Variants in POLR1A observed in about 807,000 individuals in gnomAD.
The protein encoded by POLR1A is RNA polymerase I subunit A, also known as DNA-directed RNA polymerase I subunit RPA1.
POLR1A carries 84 observed loss-of-function variants against 205.3 expected under a neutral mutation model. The ratio of observed to expected loss-of-function variants is 0.41; its 90% CI spans 0.34 to 0.49. POLR1A has a LOEUF of 0.49. Among genes scored for constraint, POLR1A ranks in the 20% least tolerant of loss-of-function variants. The pLI is 0.22. For missense variants in POLR1A, 1,645 were observed against 2,204.5 expected, an observed-to-expected ratio of 0.75 and a Z score of 5.08; for synonymous variants, 799 against 863.7, an observed-to-expected ratio of 0.93 and a Z score of 1.31.
Position 86,048,914 on chromosome 2 carries a change from T to G in POLR1A, c.2604A>C (p.Glu868Asp). 1 of 1,614,198 alleles carries G rather than the reference T, an allele frequency of 6.2e-7. No homozygotes were observed. Among genetic ancestry groups the G allele is most frequent in the Non-Finnish European group, 8.5e-7 (1 of 1,179,974 alleles). Residue 868 changes from glutamate to aspartate, a missense_variant, in exon 18 of 34, where the codon GAA (glutamate) becomes GAC (aspartate). Physicochemically the swap from Glu to Asp is conservative, Grantham distance 45 (BLOSUM62 2). Around this residue, in one of 16 missense-constraint regions of POLR1A, gnomAD observed 339 missense variants for 415.1 expected, o/e 0.82. Coordinates refer to ENST00000263857, the MANE Select transcript of POLR1A (RefSeq NM_015425.6). ...TAATCTCATTGCTGTAATGGTTCAC[T>G]TCCTCCTTGAACTTCAGATCAATCA... ...FNMIDLKFKE[E>D]VNHYSNEINK...
At position 86,080,874 on chromosome 2, in the gene POLR1A, G is replaced by A. The variant is rs763524258; in HGVS notation, c.1028C>T (p.Ala343Val). 10 of 1,613,982 alleles carry A rather than the reference G, an allele frequency of 6.2e-6. No homozygotes were observed. In the Admixed American group the frequency reaches 1.0e-4, roughly 16 times the overall value. ...KDVVLIRKLLALMAQEQKLPE... is the reference protein window; with the variant it reads ...KDVVLIRKLLVLMAQEQKLPE... The stretch of plus-strand genomic sequence containing the variant: ...CAACTTCTGTTCTTGGGCCATCAAT[G>A]CCAGAAGTTTTCGAATCAGAACTAC... Residue 343 changes from alanine to valine, a missense_variant, in exon 9 of 34, where the codon GCA (alanine) becomes GTA (valine). Around this residue, in one of 16 missense-constraint regions of POLR1A, gnomAD observed 78 missense variants for 77.7 expected, o/e 1.00. Transcript: ENST00000263857.
At chr2:86,031,003 A>G (rs1317484070) in intron 30 of POLR1A, among the ~76,000 whole-genome samples, 1 of 152,176 alleles carries the variant, frequency 6.6e-6, no homozygotes, top group Non-Finnish European at 1.5e-5. Context: ...AAAGTACCTA[A>G]AGGGCCTGGT....
intron 14 of POLR1A, among the ~76,000 whole-genome samples, chr2:86,055,538 G>A (rs894552982): frequency 6.6e-5 from 10 of 152,190 alleles, no homozygotes; most frequent in Non-Finnish European, 1.3e-4. Context: ...AGAGTGACAC[G>A]TCCTGGGGTG....
At chr2:86,082,366 T>TA (rs199903692) in intron 7 of POLR1A, among the ~76,000 whole-genome samples, 3 of 152,084 alleles carry the variant, frequency 2.0e-5, no homozygotes, top group African/African-American at 7.2e-5. Context: ...ATATGTTGAA[T>TA]AAAAAAATTT....
chr2:86,078,313 T>C (rs1255981199), intron 9 of POLR1A, 29 bp from the exon 10 acceptor site: 40 of 1,546,236 alleles, frequency 2.6e-5, no homozygotes, highest in Non-Finnish European at 3.5e-5. Flanking sequence ...AAAACAGGGA[T>C]GATGGAAAAA....
rs766935510 is a variant in POLR1A at position 86,052,983 on chromosome 2, C to T, written c.2226G>A (p.Gly742=). ...MCESQVIIRE[G]ELLCGVLDKA... ...TGTCCAGCACTCCGCAGAGCAGCTC[C>T]CCTTCCCTGATGATCACCTGCAGAG... is the stretch of plus-strand genomic sequence containing the variant. Residue 742 remains glycine (G), a synonymous_variant, in exon 16 of 34, where the codon GGG becomes GGA. Transcript: ENST00000263857. The T allele has an allele frequency of 5.7e-6, 9 of 1,586,280 alleles. No homozygotes were observed. Among genetic ancestry groups the T allele is most frequent in the East Asian group, 4.7e-5 (2 of 42,720 alleles).
chr2:86,038,989 T>G, intron 26 of POLR1A, 132 bp from the exon 27 acceptor site: 1 of 804,098 alleles, frequency 1.2e-6, no homozygotes. Flanking sequence ...AAAGAAACCC[T>G]GGTGAGCTAT....
chr2:86,020,433 A>C lies in POLR1A; in HGVS notation c.*6990T>G, dbSNP rs1245990696. On this transcript the variant is annotated 3_prime_UTR_variant, in exon 34 of 34. Transcript: ENST00000263857. ...CATGGTGTTGTGTGCCTGTAGTCCC[A>C]GTTACTTGGAAGGCTGCGGTGGGAG... 1 of 150,752 alleles carries C rather than the reference A, an allele frequency of 6.6e-6. No individual in the cohort carries two copies. The highest frequency in any genetic ancestry group is 1.5e-5 in the Non-Finnish European group (1 of 67,902). 9.3% of individuals were successfully genotyped at this position (150,752 alleles called of 1,614,324 possible). A position where few individuals can be genotyped will look rare whatever the true frequency, so the allele number is the denominator to read the frequency against.
intron 14 of POLR1A, among the ~76,000 whole-genome samples, chr2:86,056,113 TTC>T (rs1672892352): frequency 6.6e-6 from 1 of 152,138 alleles, no homozygotes; most frequent in Non-Finnish European, 1.5e-5. Context: ...TAAAAATTAA[TTC>T]TCTTTCTCTA....
rs56918034 is a variant in POLR1A at position 86,073,215 on chromosome 2, A to T, written c.1611+1815T>A. On this transcript the variant is annotated intron_variant, in intron 12 of 33. Transcript: ENST00000263857. ...CCTTGTCTCAAAAAAAAATAAAATA[A>T]AAAAAAAAAAAATGACAGGTTTTGG... 3.0e-4 allele frequency among the ~76,000 whole-genome samples: 42 copies of T among 141,338 alleles called. 2 individuals are homozygous for T. The highest frequency in any genetic ancestry group is 1.2e-3 in the African/African-American group (42 of 36,438). The allele number at this position is 141,338 out of a possible 152,430, so 92.7% of individuals were successfully genotyped here.
chr2:86,047,503 G>A (rs1040037554), intron 18 of POLR1A, among the ~76,000 whole-genome samples: 14 of 152,200 alleles, frequency 9.2e-5, no homozygotes, highest in African/African-American at 1.9e-4. Context: ...CAGGATCCCC[G>A]AGGTTTCATT....
intron 16 of POLR1A, among the ~76,000 whole-genome samples, chr2:86,049,917 T>G (rs772869779): frequency 1.9e-4 from 29 of 152,172 alleles, no homozygotes; most frequent in South Asian, 4.2e-4. Context: ...TAGTGTTTTT[T>G]TTTTTGTTTT....
chr2:86,042,895 G>A, intron 23 of POLR1A, 79 bp downstream of exon 23: 2 of 1,005,352 alleles, frequency 2.0e-6, no homozygotes, highest in East Asian at 2.4e-5. Flanking sequence ...CCTTCTCTTA[G>A]GAAAACAGCC....
intron 4 of POLR1A, 143 bp from the exon 5 acceptor site, chr2:86,089,013 AC>A: frequency 1.7e-6 from 1 of 604,836 alleles, no homozygotes; most frequent in Admixed American, 2.9e-5. Context: ...CTTCCATAGA[AC>A]CCTAATACAC....
At chr2:86,051,568 A>G (rs982126594) in intron 16 of POLR1A, among the ~76,000 whole-genome samples, 3 of 152,208 alleles carry the variant, frequency 2.0e-5, no homozygotes, top group African/African-American at 7.2e-5. Flanking sequence ...ACCATGAACC[A>G]GACAACGCCT....
chr2:86,075,057 C>T lies in POLR1A; in HGVS notation c.1584G>A (p.Gly528=), dbSNP rs758071813. Residue 528 remains glycine, a synonymous_variant, in exon 12 of 34, where the codon GGG becomes GGA. Coordinates refer to ENST00000263857, the MANE Select transcript of POLR1A (RefSeq NM_015425.6). ...TTTTTGTCCCCTGGGGCTTAGGTGC[C>T]CCCGTGGCTGGGGTCAGAAGCTGCT... The part of the protein sequence containing the change: ...VAKQLLTPAT[G]APKPQGTKIV... 4 of 1,611,092 alleles carry T rather than the reference C, an allele frequency of 2.5e-6. No individual in the cohort carries two copies. The South Asian group carries it at 4.4e-5, about 18-fold the overall frequency.
chr2:86,094,428 C>T (rs1032313576), intron 3 of POLR1A, among the ~76,000 whole-genome samples: 14 of 152,184 alleles, frequency 9.2e-5, no homozygotes, highest in African/African-American at 3.4e-4. Context: ...CATGTCCAAT[C>T]GTTCTTTGAG....
chr2:86,080,779 T>G (rs1481233197), intron 9 of POLR1A, 37 bp downstream of exon 9: 2 of 1,564,852 alleles, frequency 1.3e-6, no homozygotes, highest in African/African-American at 2.7e-5. Flanking sequence ...GCACTAAGCA[T>G]GTGTGCTCAT....
In POLR1A at chr2:86,038,764, G is replaced by A; in HGVS notation, c.3970C>T (p.His1324Tyr). ...VYQLRFQFLP[H>Y]AYYQQEKCLR... ...CACTTCTCCTGCTGGTAATATGCAT[G>A]TGGCAGGAACTGAAACCGCAGCTGG... The change falls in exon 27 of 34, where the codon CAT becomes TAT. Residue 1324 changes from histidine (H) to tyrosine (Y), a missense_variant. Around this residue, in one of 16 missense-constraint regions of POLR1A, gnomAD observed 394 missense variants for 468.5 expected, o/e 0.84. Coordinates refer to ENST00000263857, the MANE Select transcript of POLR1A (RefSeq NM_015425.6). The A allele has an allele frequency of 6.2e-7, 1 of 1,613,884 alleles. No homozygotes were observed. The highest frequency in any genetic ancestry group is 8.5e-7 in the Non-Finnish European group (1 of 1,179,784).
Sources: gnomAD v4.1 joint callset for allele counts (sites outside exome capture counted in the v4.1 genomes callset) on GRCh38, gnomAD v4.1.1 for gene constraint, gnomAD v4.1.1 regional missense constraint, MANE v1.5 for transcripts, NCBI Gene and HGNC (gene_info 2026-07-23, HGNC 2026-07-21) for gene names.